Variants in LRP2 observed in about 807,000 individuals in gnomAD.
The protein encoded by LRP2 is low-density lipoprotein receptor-related protein 2.
LRP2 carries 172 observed loss-of-function variants against 531.0 expected under a neutral mutation model. That is an observed-to-expected ratio of 0.32 (90% CI 0.29 to 0.37). LRP2 has a LOEUF of 0.37. Among genes scored for constraint, LRP2 ranks in the 10% least tolerant of loss-of-function variants. The pLI, the probability that LRP2 is intolerant of heterozygous loss-of-function variation, is 1.00. For synonymous variants in LRP2, 1,992 were observed against 2,027.6 expected (o/e 0.98, Z 0.47); for missense variants, 5,167 against 5,868.3 (o/e 0.88, Z 3.90).
intron 1 of LRP2, among the ~76,000 whole-genome samples, chr2:169,356,949 G>A (rs1051746675): frequency 6.6e-6 from 1 of 152,054 alleles, no homozygotes; most frequent in Admixed American, 6.6e-5. Flanking sequence ...CTTCCTTAAT[G>A]TTTCTGTAGT....
chr2:169,299,155 G>GAAAA (rs1348985286), intron 4 of LRP2, among the ~76,000 whole-genome samples: 2 of 23,494 alleles, frequency 8.5e-5, no homozygotes, highest in African/African-American at 2.2e-4. Context: ...AAGAAAGAAA[G>GAAAA]AAAAAAAGAA....
At chr2:169,257,921 TG>T (rs1289304404) in intron 17 of LRP2, among the ~76,000 whole-genome samples, 1 of 151,972 alleles carries the variant, frequency 6.6e-6, no homozygotes, top group East Asian at 1.9e-4. Flanking sequence ...TTTTCCAAAA[TG>T]TAACTTTCTG....
intron 31 of LRP2, 45 bp from the exon 32 acceptor site, chr2:169,226,633 C>T (rs774348195): frequency 1.4e-6 from 2 of 1,456,356 alleles, no homozygotes; most frequent in Non-Finnish European, 1.9e-6. Context: ...TCCCACTATT[C>T]CCAGACATTT....
chr2:169,328,619 T>C (rs933276538), intron 1 of LRP2, among the ~76,000 whole-genome samples: 4 of 152,148 alleles, frequency 2.6e-5, no homozygotes, highest in African/African-American at 9.7e-5. Flanking sequence ...GTACCTACTA[T>C]GTGTTATACA....
chr2:169,216,582 G>A, intron 34 of LRP2, 152 bp from the exon 35 acceptor site: 1 of 732,752 alleles, frequency 1.4e-6, no homozygotes, highest in East Asian at 2.7e-5. Context: ...CAACGTGGAG[G>A]GGTACTTCAC....
At chr2:169,132,348 A>G (rs1340460055) in intron 77 of LRP2, among the ~76,000 whole-genome samples, 2 of 152,196 alleles carry the variant, frequency 1.3e-5, no homozygotes, top group African/African-American at 4.8e-5. Context: ...ATGTCCTCCT[A>G]TGTTACAAGG....
chr2:169,273,976 C>T (rs796727975), intron 14 of LRP2, among the ~76,000 whole-genome samples: 5 of 152,136 alleles, frequency 3.3e-5, no homozygotes, highest in African/African-American at 1.2e-4. Context: ...TATTTTTAGA[C>T]AAGTTTATAC....
At chr2:169,306,294 G>A (rs1291142869) in intron 4 of LRP2, among the ~76,000 whole-genome samples, 1 of 152,188 alleles carries the variant, frequency 6.6e-6, no homozygotes, top group Non-Finnish European at 1.5e-5. Flanking sequence ...AGCACTTTGG[G>A]AGGCCGAGGC....
At chr2:169,350,821 C>A (rs1685828184) in intron 1 of LRP2, among the ~76,000 whole-genome samples, 1 of 151,414 alleles carries the variant, frequency 6.6e-6, no homozygotes, top group Non-Finnish European at 1.5e-5. Flanking sequence ...CTGGGGCCCT[C>A]TTTGGTTGTG....
rs942970145 is a variant in LRP2, at chr2:169,247,252, G to A, written c.2908+126C>T. 23 of 1,054,704 alleles carry A rather than the reference G, an allele frequency of 2.2e-5. No homozygotes were observed. The East Asian group carries it at 3.9e-4, about 18-fold the overall frequency. The allele number at this position is 1,054,704 out of a possible 1,614,324, so 65.3% of individuals were successfully genotyped here. ...TCTTACACTCTTAGATTATGTGAAC[G>A]ACAAGAATATAAAACTACCAGGAGC... On this transcript the variant is annotated intron_variant, in intron 20 of 78. Transcript: ENST00000649046.
chr2:169,201,184 T>A (rs905975312), intron 44 of LRP2, among the ~76,000 whole-genome samples: 2 of 152,196 alleles, frequency 1.3e-5, no homozygotes, highest in African/African-American at 4.8e-5. Context: ...AAGTGGGAAG[T>A]GTTGTGGCAT....
At chr2:169,265,168 G>T (rs780808273) in intron 16 of LRP2, among the ~76,000 whole-genome samples, 1 of 151,292 alleles carries the variant, frequency 6.6e-6, no homozygotes, top group African/African-American at 2.4e-5. Flanking sequence ...CTATGGAGGA[G>T]AAATTAATCA....
At chr2:169,354,723 A>T (rs2105581666) in intron 1 of LRP2, among the ~76,000 whole-genome samples, 1 of 152,196 alleles carries the variant, frequency 6.6e-6, no homozygotes, top group East Asian at 1.9e-4. Flanking sequence ...CAAAGTAACC[A>T]TCAGCAAAGA....
chr2:169,177,868 G>A lies in LRP2; in HGVS notation c.10328C>T (p.Thr3443Ile), dbSNP rs373743025. ...GNKYDGSNRQ[T>I]LVNTTHRPFD... ...TGGTCTGTGTGTTGTGTTCACCAGT[G>A]TCTGTCTATTTGATCCATCATATTT... The change falls in exon 53 of 79, where the codon ACA becomes ATA. Residue 3443 changes from threonine to isoleucine, a missense_variant. By Grantham distance (89) the Thr-to-Ile change is moderately conservative. Coordinates refer to ENST00000649046, the MANE Select transcript of LRP2 (RefSeq NM_004525.3). The A allele has an allele frequency of 6.2e-7, 1 of 1,614,218 alleles. No homozygotes were observed.
Position 169,255,807 on chromosome 2 carries a change from T to C in LRP2, c.2770+299A>G, listed in dbSNP as rs951917228. 2.0e-5 allele frequency among the ~76,000 whole-genome samples: 3 copies of C among 152,154 alleles called. No individual in the cohort carries two copies. In the East Asian group the frequency reaches 5.8e-4, roughly 29 times the overall value. ...AATTTACTGTTTCCTCACGTGATAC[T>C]TGTATAACTAAGTACTTGGGATGTT... is the stretch of plus-strand genomic sequence containing the variant. On this transcript the variant is annotated intron_variant, in intron 19 of 78. Coordinates refer to ENST00000649046, the MANE Select transcript of LRP2 (RefSeq NM_004525.3).
intron 31 of LRP2, among the ~76,000 whole-genome samples, chr2:169,228,826 G>C (rs1313437823): frequency 6.6e-6 from 1 of 152,200 alleles, no homozygotes; most frequent in African/African-American, 2.4e-5. Context: ...TAATAGAAAG[G>C]AACTGGCCAG....
chr2:169,143,622 G>C (rs1285884748), intron 70 of LRP2, among the ~76,000 whole-genome samples: 3 of 152,096 alleles, frequency 2.0e-5, no homozygotes, highest in Non-Finnish European at 4.4e-5. Context: ...CTCCAGCCAG[G>C]GCGACAGAGC....
intron 66 of LRP2, 83 bp from the exon 67 acceptor site, chr2:169,153,047 G>A: frequency 7.8e-7 from 1 of 1,276,740 alleles, no homozygotes; most frequent in East Asian, 2.3e-5. Flanking sequence ...GTGAAGTACT[G>A]TTCGTTTATT....
chr2:169,320,255 C>T (rs1016569311), intron 2 of LRP2, among the ~76,000 whole-genome samples: 2 of 152,096 alleles, frequency 1.3e-5, no homozygotes, highest in South Asian at 2.1e-4. Context: ...ACTACATTAT[C>T]GTATTTTTCA....
Sources: allele counts gnomAD v4.1 joint callset (sites outside exome capture counted in the v4.1 genomes callset), GRCh38; gene constraint gnomAD v4.1.1; transcripts MANE v1.5; gene names NCBI Gene and HGNC (gene_info 2026-07-23, HGNC 2026-07-21).